The following RNF180 variants were observed in gnomAD, a reference collection of about 807,000 sequenced individuals.
RNF180 encodes ring finger protein 180, also known as E3 ubiquitin-protein ligase RNF180.
RNF180 carries 38 observed loss-of-function variants against 59.2 expected under a neutral mutation model. The ratio of observed to expected loss-of-function variants is 0.64; its 90% CI spans 0.50 to 0.84. RNF180 has a LOEUF of 0.84. RNF180 is among the 40% of genes least tolerant of loss of function. The pLI is 0.00. For missense variants in RNF180, 705 were observed against 700.9 expected, an observed-to-expected ratio of 1.01 and a Z score of -0.07; for synonymous variants, 262 against 240.3, an observed-to-expected ratio of 1.09 and a Z score of -0.84.
At chr5:64,358,187 G>A (rs1018795142) in intron 7 of RNF180, among the ~76,000 whole-genome samples, 4 of 151,804 alleles carry the variant, frequency 2.6e-5, no homozygotes, top group African/African-American at 7.2e-5. Context: ...CCTAAAACAC[G>A]ATGACAGAGC....
At chr5:64,207,271 G>T (rs907648885) in intron 2 of RNF180, among the ~76,000 whole-genome samples, 2 of 152,116 alleles carry the variant, frequency 1.3e-5, no homozygotes, top group Non-Finnish European at 2.9e-5. Context: ...GAAGCCATAA[G>T]AGTAGGATAT....
At chr5:64,320,987 G>A (rs1345969487) in intron 5 of RNF180, among the ~76,000 whole-genome samples, 1 of 152,000 alleles carries the variant, frequency 6.6e-6, no homozygotes, top group Non-Finnish European at 1.5e-5. Context: ...GCAGTGAGCC[G>A]AGATCGCGCC....
Position 64,348,778 on chromosome 5 carries a change from A to G in RNF180, c.1579+18372A>G, listed in dbSNP as rs554699119. ...CTATATGTAAGTCTAAAATTATAAAACAGATTTTTTAGTTCTCTAAATGAC... is the reference window on the plus strand; with the variant it reads ...CTATATGTAAGTCTAAAATTATAAAGCAGATTTTTTAGTTCTCTAAATGAC... On this transcript the variant is annotated intron_variant, in intron 7 of 7. Transcript: ENST00000389100. Among the ~76,000 whole-genome samples the G allele has an allele frequency of 9.5e-4, 144 of 152,230 alleles. 2 individuals are homozygous for G. Among genetic ancestry groups the G allele is most frequent in the Non-Finnish European group, 1.9e-3 (127 of 67,992 alleles).
chr5:64,173,865 A>G (rs531809457), intron 1 of RNF180, among the ~76,000 whole-genome samples: 8 of 151,770 alleles, frequency 5.3e-5, no homozygotes, highest in South Asian at 4.2e-4. Flanking sequence ...ATAGGCATGC[A>G]CCACCACACC....
chr5:64,280,699 T>A (rs1741967687), intron 5 of RNF180, among the ~76,000 whole-genome samples: 1 of 152,174 alleles, frequency 6.6e-6, no homozygotes. Flanking sequence ...GCTGTTTTGG[T>A]TACTGTAGCC....
intron 1 of RNF180, among the ~76,000 whole-genome samples, chr5:64,174,919 T>G (rs1294088042): frequency 2.0e-5 from 3 of 151,772 alleles, no homozygotes; most frequent in African/African-American, 7.3e-5. Context: ...TCTGGTAGTT[T>G]GATAGGTTCC....
At chr5:64,201,319 A>G (rs73761477) in intron 2 of RNF180, among the ~76,000 whole-genome samples, 2,638 of 152,252 alleles carry the variant, frequency 0.017, 66 homozygotes, top group African/African-American at 0.06. Context: ...AACTTGTTAT[A>G]TAGGTTTTTT....
chr5:64,256,521 G>T (rs1743975583), intron 5 of RNF180, among the ~76,000 whole-genome samples: 3 of 152,184 alleles, frequency 2.0e-5, no homozygotes, highest in African/African-American at 4.8e-5. Context: ...TAGGTGTGTA[G>T]TATTATTTCT....
chr5:64,318,437 A>G (rs747346174), intron 5 of RNF180, among the ~76,000 whole-genome samples: 2 of 152,152 alleles, frequency 1.3e-5, no homozygotes, highest in African/African-American at 2.4e-5. Context: ...ATGGCACACA[A>G]TTTAAAACTT....
intron 1 of RNF180, among the ~76,000 whole-genome samples, chr5:64,194,067 A>G (rs1311679176): frequency 6.6e-6 from 1 of 152,026 alleles, no homozygotes; most frequent in Non-Finnish European, 1.5e-5. Flanking sequence ...GGTTTGTTGC[A>G]TATGTATACA....
At chr5:64,263,011 A>G (rs746446935) in intron 5 of RNF180, among the ~76,000 whole-genome samples, 35 of 152,198 alleles carry the variant, frequency 2.3e-4, no homozygotes, top group South Asian at 4.1e-4. Context: ...GGCCACAAAT[A>G]TGGTGTAGCA....
intron 5 of RNF180, among the ~76,000 whole-genome samples, chr5:64,266,460 G>C (rs1744687482): frequency 6.6e-6 from 1 of 152,060 alleles, no homozygotes; most frequent in Admixed American, 6.6e-5. Flanking sequence ...TATATCTCTT[G>C]TATGTAATTG....
chr5:64,200,200 G>T (rs1751669496), intron 1 of RNF180, among the ~76,000 whole-genome samples: 1 of 152,132 alleles, frequency 6.6e-6, no homozygotes, highest in Non-Finnish European at 1.5e-5. Context: ...GGAGGCTGAG[G>T]CAGGGGGATT....
At chr5:64,189,742 C>A (rs1250894833) in intron 1 of RNF180, among the ~76,000 whole-genome samples, 1 of 152,092 alleles carries the variant, frequency 6.6e-6, no homozygotes, top group Non-Finnish European at 1.5e-5. Flanking sequence ...TACTGGAAAG[C>A]ATGTTTTGGA....
At chr5:64,168,693 A>T (rs1749776126) in intron 1 of RNF180, among the ~76,000 whole-genome samples, 1 of 152,228 alleles carries the variant, frequency 6.6e-6, no homozygotes, top group South Asian at 2.1e-4. Context: ...ATGTGGCTCC[A>T]TATTGTATGT....
chr5:64,253,652 A>G (rs549827310), intron 5 of RNF180, among the ~76,000 whole-genome samples: 13 of 152,260 alleles, frequency 8.5e-5, no homozygotes, highest in Non-Finnish European at 1.9e-4. Flanking sequence ...AGTTTTATGC[A>G]CAGGCAAAAC....
chr5:64,307,616 C>G (rs1189062859), intron 5 of RNF180, among the ~76,000 whole-genome samples: 1 of 151,628 alleles, frequency 6.6e-6, no homozygotes, highest in East Asian at 1.9e-4. Context: ...TTAAAAATAT[C>G]ATAAGTCAAA....
intron 5 of RNF180, among the ~76,000 whole-genome samples, chr5:64,294,662 G>A (rs1323264778): frequency 6.6e-6 from 1 of 152,028 alleles, no homozygotes; most frequent in Non-Finnish European, 1.5e-5. Flanking sequence ...GAATATATAT[G>A]TATTCATAAA....
chr5:64,342,109 A>G (rs1425183093), intron 7 of RNF180, among the ~76,000 whole-genome samples: 1 of 152,158 alleles, frequency 6.6e-6, no homozygotes, highest in Non-Finnish European at 1.5e-5. Flanking sequence ...ACTTCTGGCA[A>G]CAACAGGAGT....
Sources: gnomAD v4.1 joint callset for allele counts (sites outside exome capture counted in the v4.1 genomes callset) on GRCh38, gnomAD v4.1.1 for gene constraint, MANE v1.5 for transcripts, NCBI Gene and HGNC (gene_info 2026-07-23, HGNC 2026-07-21) for gene names.